The following ZNF575 variants were observed in gnomAD, a reference collection of about 807,000 sequenced individuals.
ZNF575 encodes the protein zinc finger protein 575.
In ZNF575, 17 loss-of-function variants were observed where a neutral mutation model predicts 17.5. The ratio of observed to expected loss-of-function variants is 0.97; its 90% CI spans 0.66 to 1.45. The LOEUF (loss-of-function observed/expected upper bound fraction) is 1.45, where lower values mean the gene tolerates loss of function less well. Among genes scored for constraint, ZNF575 ranks in the 40% most tolerant of loss-of-function variants. ZNF575 has a pLI of 0.00. For synonymous variants in ZNF575, 146 were observed against 158.3 expected, an observed-to-expected ratio of 0.92 and a Z score of 0.58; for missense variants, 352 against 359.2, an observed-to-expected ratio of 0.98 and a Z score of 0.16.
chr19:43,535,653 AC>A lies in ZNF575; in HGVS notation c.706del (p.His236ThrfsTer27), dbSNP rs1568507840. ...RRLLLLHQRS[H>X]HQVEHKGERD is the part of the protein sequence containing the mutation. The stretch of plus-strand genomic sequence containing the variant: ...TTACTGCTCCTTCATCAACGCAGCC[AC>A]CACCAGGTGGAGCACAAGGGGGAGA... On this transcript the variant is annotated frameshift_variant, in exon 4 of 4. Transcript: ENST00000314228. LOFTEE classifies it high-confidence loss of function. 2.5e-6 allele frequency: 4 copies of A among 1,612,766 alleles called. No homozygotes were observed. In the South Asian group the frequency reaches 3.3e-5, roughly 13 times the overall value.
At chr19:43,534,979 C>T in intron 3 of ZNF575, 50 bp from the exon 4 acceptor site, 1 of 1,381,992 alleles carries the variant, frequency 7.2e-7, no homozygotes, top group Non-Finnish European at 9.3e-7. Flanking sequence ...CTGGCCTAGG[C>T]CCAGGGCGTT....
chr19:43,535,217 C>T lies in ZNF575; in HGVS notation c.268C>T (p.Pro90Ser), dbSNP rs1040486624. 3 of 1,610,968 alleles carry T rather than the reference C, an allele frequency of 1.9e-6. No individual in the cohort carries two copies. The highest frequency in any genetic ancestry group is 2.5e-6 in the Non-Finnish European group (3 of 1,178,786). The change falls in exon 4 of 4, where the codon CCC becomes TCC. Residue 90 changes from proline (P) to serine (S), a missense_variant. Transcript: ENST00000314228. Reference sequence around the variant, plus strand: ...CCGCTTAGCACACGGAGGCGCCCGACCCCACCCATGCCCAGACTGCCCCAA... The same window carrying T: ...CCGCTTAGCACACGGAGGCGCCCGATCCCACCCATGCCCAGACTGCCCCAA... Reference protein sequence around the residue: ...THRLAHGGARPHPCPDCPKAF... With the variant: ...THRLAHGGARSHPCPDCPKAF...
rs1972416953 is a variant in ZNF575 at position 43,536,066 on chromosome 19, AATAC to A, written c.*386_*389del. The stretch of plus-strand genomic sequence containing the variant: ...ATATGACGGTATCTAAGAAATTGAA[AATAC>A]ATACATGCTTGTCTCAACTCTTCCA... On this transcript the variant is annotated 3_prime_UTR_variant, in exon 4 of 4. Coordinates refer to ENST00000314228, the MANE Select transcript of ZNF575 (RefSeq NM_174945.3). 1 of 238,874 alleles carries A rather than the reference AATAC, an allele frequency of 4.2e-6. No individual in the cohort carries two copies. The allele number at this position is 238,874 out of a possible 1,614,324, so 14.8% of individuals were successfully genotyped here. A position where few individuals can be genotyped will look rare whatever the true frequency, so the allele number is the denominator to read the frequency against.
rs565405202 is a variant in ZNF575 at position 43,534,325 on chromosome 19, C to T, written c.-86-12C>T. 1.1e-5 allele frequency: 13 copies of T among 1,157,748 alleles called. No individual in the cohort carries two copies. The Admixed American group carries it at 1.7e-4, about 15-fold the overall frequency. The allele number at this position is 1,157,748 out of a possible 1,614,324, so 71.7% of individuals were successfully genotyped here. The stretch of plus-strand genomic sequence containing the variant: ...AGACCTTGCTCCTAAACAGTGTGAT[C>T]CCTCATTTTAGGCCCTCCAACCCTA... On this transcript the variant is annotated splice_polypyrimidine_tract_variant and intron_variant, in intron 2 of 3. Transcript: ENST00000314228.
chr19:43,534,579 A>C, intron 3 of ZNF575, 78 bp downstream of exon 3: 11 of 1,339,160 alleles, frequency 8.2e-6, no homozygotes, highest in Non-Finnish European at 1.1e-5. Flanking sequence ...GGGGAATCTC[A>C]GGGTGAAAAT....
chr19:43,533,158 C>G (rs942689824), upstream of ZNF575: 1 of 152,262 alleles, frequency 6.6e-6, no homozygotes, highest in Non-Finnish European at 1.5e-5. Context: ...TAGGCCCCGC[C>G]ACCGGCGGTG....
Position 43,535,022 on chromosome 19 carries a change from C to G in ZNF575, c.80-7C>G. On this transcript the variant is annotated splice_region_variant and splice_polypyrimidine_tract_variant and intron_variant, in intron 3 of 3. Coordinates refer to ENST00000314228, the MANE Select transcript of ZNF575 (RefSeq NM_174945.3). The stretch of plus-strand genomic sequence containing the variant: ...TCCTGGAGCCCACCAGCCCTCCTGT[C>G]CCCCAGCTCCCCACCAGGGCCCACC... 1.4e-6 allele frequency: 2 copies of G among 1,434,878 alleles called. No homozygotes were observed. Among genetic ancestry groups the G allele is most frequent in the African/African-American group, 1.5e-5 (1 of 66,498 alleles). The allele number at this position is 1,434,878 out of a possible 1,614,324, so 88.9% of individuals were successfully genotyped here. A position where few individuals can be genotyped will look rare whatever the true frequency, so the allele number is the denominator to read the frequency against.
At position 43,535,502 on chromosome 19, in the gene ZNF575, G is replaced by A; in HGVS notation, c.553G>A (p.Ala185Thr). Reference protein sequence around the residue: ...RPYPCPHCPKAFSFPSKLAAH... With the variant: ...RPYPCPHCPKTFSFPSKLAAH... ...CTATCCTTGCCCGCATTGCCCCAAG[G>A]CTTTCTCATTTCCCTCCAAGCTGGC... The change falls in exon 4 of 4, where the codon GCT (alanine) becomes ACT (threonine). Residue 185 changes from alanine to threonine, a missense_variant. Coordinates refer to ENST00000314228, the MANE Select transcript of ZNF575 (RefSeq NM_174945.3). 1 of 1,613,734 alleles carries A rather than the reference G, an allele frequency of 6.2e-7. No individual in the cohort carries two copies. Among genetic ancestry groups the A allele is most frequent in the Non-Finnish European group, 8.5e-7 (1 of 1,179,884 alleles).
chr19:43,534,541 G>T, intron 3 of ZNF575, 40 bp downstream of exon 3: 1 of 1,398,722 alleles, frequency 7.1e-7, no homozygotes, highest in Non-Finnish European at 9.3e-7. Flanking sequence ...CATTCTCCAG[G>T]AACGGGGGCC....
upstream of ZNF575, chr19:43,531,913 C>A: frequency 2.1e-6 from 1 of 467,652 alleles, no homozygotes; most frequent in Non-Finnish European, 3.9e-6. Flanking sequence ...CGTGAAATAG[C>A]TGGGACTACA....
chr19:43,535,883 C>T lies in ZNF575; in HGVS notation c.*196C>T. ...TCCCCTGCTTTGGGGAGATCTCAAA[C>T]CATGGACGTGGAGCTGTGGTTTGAC... is the stretch of plus-strand genomic sequence containing the variant. On this transcript the variant is annotated 3_prime_UTR_variant, in exon 4 of 4. Coordinates refer to ENST00000314228, the MANE Select transcript of ZNF575 (RefSeq NM_174945.3). The T allele has an allele frequency of 1.6e-6, 1 of 634,886 alleles. No homozygotes were observed. The allele number at this position is 634,886 out of a possible 1,614,324, so 39.3% of individuals were successfully genotyped here.
upstream of ZNF575, chr19:43,531,942 C>CTTT (rs869122064): frequency 0.015 from 1,586 of 107,162 alleles, 143 homozygotes; most frequent in African/African-American, 0.065. Context: ...TTAAGCCAGA[C>CTTT]TTTTTTTTTT....
rs762529679 is a variant in ZNF575, at chr19:43,535,718, C to G, written c.*31C>G. On this transcript the variant is annotated 3_prime_UTR_variant, in exon 4 of 4. Coordinates refer to ENST00000314228, the MANE Select transcript of ZNF575 (RefSeq NM_174945.3). ...CCCTTGGCTCACTGTCCCCTTCTGCCGCCAGCCCTAGCCAGTAAGAGGTGG... is the reference window on the plus strand; with the variant it reads ...CCCTTGGCTCACTGTCCCCTTCTGCGGCCAGCCCTAGCCAGTAAGAGGTGG... 6.4e-7 allele frequency: 1 copy of G among 1,556,352 alleles called. No homozygotes were observed. Among genetic ancestry groups the G allele is most frequent in the South Asian group, 1.2e-5 (1 of 86,682 alleles).
chr19:43,531,686 T>C (rs1972346140), upstream of ZNF575: 2 of 464,258 alleles, frequency 4.3e-6, no homozygotes, highest in Non-Finnish European at 7.7e-6. Context: ...TAAAAAGATA[T>C]TTATGAGATA....
At chr19:43,534,273 GC>G in intron 2 of ZNF575, 63 bp from the exon 3 acceptor site, 2 of 720,096 alleles carry the variant, frequency 2.8e-6, no homozygotes, top group Admixed American at 2.8e-5. Context: ...CGCTAAGCCT[GC>G]CCCCGCCTTA....
upstream of ZNF575, chr19:43,532,961 G>T (rs1440534031): frequency 6.6e-6 from 1 of 151,138 alleles, no homozygotes; most frequent in African/African-American, 2.4e-5. Context: ...CGAAGAACTG[G>T]CCAGACTTTT....
At chr19:43,534,559 T>G in intron 3 of ZNF575, 58 bp downstream of exon 3, 2 of 1,374,640 alleles carry the variant, frequency 1.5e-6, no homozygotes, top group Non-Finnish European at 1.9e-6. Flanking sequence ...GCCAAAATAA[T>G]CACATTCTGG....
upstream of ZNF575, among the ~76,000 whole-genome samples, chr19:43,531,143 T>C (rs924576460): frequency 2.7e-5 from 4 of 146,356 alleles, no homozygotes; most frequent in Non-Finnish European, 6.0e-5. Context: ...AAAAAAAAAT[T>C]AGCCAGGCGT....
chr19:43,531,152 G>A (rs1027043705), upstream of ZNF575, among the ~76,000 whole-genome samples: 3 of 150,550 alleles, frequency 2.0e-5, no homozygotes, highest in South Asian at 2.1e-4. Flanking sequence ...TTAGCCAGGC[G>A]TGGTGACGGG....
Sources: gnomAD v4.1 joint callset for allele counts (sites outside exome capture counted in the v4.1 genomes callset) on GRCh38, gnomAD v4.1.1 for gene constraint, MANE v1.5 for transcripts, NCBI Gene and HGNC (gene_info 2026-07-23, HGNC 2026-07-21) for gene names.